The following AKAP6 variants were observed in gnomAD, a reference collection of about 807,000 sequenced individuals.
The protein encoded by AKAP6 is A-kinase anchor protein 6.
AKAP6 carries 58 observed loss-of-function variants against 188.5 expected under a neutral mutation model. The ratio of observed to expected loss-of-function variants is 0.31; its 90% confidence interval spans 0.25 to 0.38. AKAP6 has a LOEUF of 0.38. AKAP6 is among the 10% of genes least tolerant of loss of function. The pLI is 1.00. For synonymous variants in AKAP6, 989 were observed against 998.6 expected, an observed-to-expected ratio of 0.99 and a Z score of 0.18; for missense variants, 2,710 against 2,740.0, an observed-to-expected ratio of 0.99 and a Z score of 0.24.
At chr14:32,731,593 G>A (rs1037018678) in intron 9 of AKAP6, among the ~76,000 whole-genome samples, 1 of 152,004 alleles carries the variant, frequency 6.6e-6, no homozygotes, top group Non-Finnish European at 1.5e-5. Flanking sequence ...TGTAAAATAT[G>A]TTTAATATTT....
intron 1 of AKAP6, among the ~76,000 whole-genome samples, chr14:32,390,331 C>T (rs1888669368): frequency 6.6e-6 from 1 of 152,152 alleles, no homozygotes; most frequent in Admixed American, 6.6e-5. Context: ...TAACTAACCT[C>T]CTGAATTCTT....
intron 1 of AKAP6, among the ~76,000 whole-genome samples, chr14:32,413,270 C>G (rs1246737410): frequency 2.0e-5 from 3 of 149,570 alleles, no homozygotes; most frequent in Non-Finnish European, 4.4e-5. Flanking sequence ...CAGCCTTGAC[C>G]TCTCAAGATC....
chr14:32,513,507 A>G (rs1393064514), intron 2 of AKAP6, among the ~76,000 whole-genome samples: 1 of 152,192 alleles, frequency 6.6e-6, no homozygotes, highest in Non-Finnish European at 1.5e-5. Context: ...TGCTTACACA[A>G]AAAGAATGCT....
At chr14:32,804,800 C>G (rs1052946531) in intron 12 of AKAP6, among the ~76,000 whole-genome samples, 1 of 152,082 alleles carries the variant, frequency 6.6e-6, no homozygotes, top group African/African-American at 2.4e-5. Context: ...GACCTCCCCC[C>G]AGGAATGCAT....
intron 12 of AKAP6, among the ~76,000 whole-genome samples, chr14:32,814,458 A>G (rs1053161221): frequency 1.3e-5 from 2 of 152,170 alleles, no homozygotes; most frequent in Non-Finnish European, 2.9e-5. Flanking sequence ...TCATCTCTGC[A>G]GATTTACCTA....
chr14:32,462,980 TAAAA>T (rs71115073), intron 2 of AKAP6, among the ~76,000 whole-genome samples: 1 of 115,130 alleles, frequency 8.7e-6, no homozygotes, highest in African/African-American at 3.3e-5. Context: ...CAACAAAGAT[TAAAA>T]AAAAAAAAAA....
At position 32,769,037 on chromosome 14, in the gene AKAP6, A is replaced by ATTTTTTTTTTTTTTTTTT. The variant is rs544997334; in HGVS notation, c.3373-4631_3373-4614dup. Among the ~76,000 whole-genome samples, 136 of 56,916 alleles carry ATTTTTTTTTTTTTTTTTT rather than the reference A, an allele frequency of 2.4e-3. 38 individuals carry two copies. The highest frequency in any genetic ancestry group is 7.1e-3 in the East Asian group (9 of 1,262). 37.3% of individuals were successfully genotyped at this position (56,916 alleles called of 152,430 possible). ...ACTAGGGGATGCAGCTGCTCTTTTG[A>ATTTTTTTTTTTTTTTTTT]TTTTTTTTTTTTTTTTTTTTTTTTT... On this transcript the variant is annotated intron_variant, in intron 11 of 13. Transcript: ENST00000280979.
intron 4 of AKAP6, among the ~76,000 whole-genome samples, chr14:32,560,953 A>G (rs995011890): frequency 6.6e-6 from 1 of 152,188 alleles, no homozygotes; most frequent in Non-Finnish European, 1.5e-5. Flanking sequence ...ATTCTCAAGA[A>G]AAAAATTCTT....
intron 1 of AKAP6, among the ~76,000 whole-genome samples, chr14:32,396,973 A>G (rs1307032450): frequency 6.6e-6 from 1 of 152,168 alleles, no homozygotes; most frequent in African/African-American, 2.4e-5. Context: ...CTAATGTTGA[A>G]TAGGTGGAAA....
chr14:32,683,241 A>G (rs1889770608), intron 8 of AKAP6, among the ~76,000 whole-genome samples: 1 of 151,980 alleles, frequency 6.6e-6, no homozygotes, highest in Non-Finnish European at 1.5e-5. Flanking sequence ...TGATTCACCC[A>G]CCTCAGCTCT....
intron 5 of AKAP6, among the ~76,000 whole-genome samples, chr14:32,580,782 C>T: frequency 6.6e-6 from 1 of 152,068 alleles, no homozygotes; most frequent in East Asian, 1.9e-4. Context: ...CAATTCCCAC[C>T]TATGAGTGAC....
intron 2 of AKAP6, among the ~76,000 whole-genome samples, chr14:32,516,244 AG>A (rs1881517454): frequency 6.6e-6 from 1 of 152,224 alleles, no homozygotes; most frequent in Non-Finnish European, 1.5e-5. Context: ...CTAAAACCAA[AG>A]GGCTTTTCCC....
chr14:32,413,398 C>T (rs1280304926), intron 1 of AKAP6, among the ~76,000 whole-genome samples: 1 of 151,890 alleles, frequency 6.6e-6, no homozygotes, highest in Admixed American at 6.6e-5. Context: ...GCCCAGGCTG[C>T]TCTCAAACTC....
chr14:32,340,277 A>C (rs1886849119), intron 1 of AKAP6, among the ~76,000 whole-genome samples: 1 of 152,126 alleles, frequency 6.6e-6, no homozygotes, highest in African/African-American at 2.4e-5. Context: ...ACAAAATAAA[A>C]ATTATACCTC....
rs151140976 is a variant in AKAP6, at chr14:32,794,575, C to A, written c.3588+20682C>A. 9.6e-3 allele frequency among the ~76,000 whole-genome samples: 1,454 copies of A among 152,010 alleles called. 16 individuals carry two copies. Among genetic ancestry groups the A allele is most frequent in the African/African-American group, 0.034 (1,408 of 41,444 alleles). On this transcript the variant is annotated intron_variant, in intron 12 of 13. Transcript: ENST00000280979. ...ACTGCATCTCAAACAAACAAACAAA[C>A]AAACAAATAGTTCTTCAAAACTAAT...
chr14:32,651,997 A>G (rs1888251497), intron 7 of AKAP6, among the ~76,000 whole-genome samples: 1 of 152,012 alleles, frequency 6.6e-6, no homozygotes, highest in South Asian at 2.1e-4. Context: ...ATATTCCCTT[A>G]GGAATCTTAT....
At chr14:32,706,685 A>G (rs895414885) in intron 9 of AKAP6, among the ~76,000 whole-genome samples, 1 of 152,114 alleles carries the variant, frequency 6.6e-6, no homozygotes, top group African/African-American at 2.4e-5. Context: ...TGAAACTCAT[A>G]CATTCTTAAA....
chr14:32,685,724 C>CAAA (rs71115091), intron 8 of AKAP6, among the ~76,000 whole-genome samples: 40 of 86,072 alleles, frequency 4.6e-4, no homozygotes, highest in Non-Finnish European at 6.1e-4. Context: ...GACTCCATCT[C>CAAA]AAAAAAAAAA....
chr14:32,445,522 G>A (rs535517676), intron 2 of AKAP6, among the ~76,000 whole-genome samples: 1 of 152,176 alleles, frequency 6.6e-6, no homozygotes, highest in South Asian at 2.1e-4. Context: ...ACAGGCATGT[G>A]ACACCATGCC....
Sources: gnomAD v4.1 joint callset for allele counts (sites outside exome capture counted in the v4.1 genomes callset) on GRCh38, gnomAD v4.1.1 for gene constraint, MANE v1.5 for transcripts, NCBI Gene and HGNC (gene_info 2026-07-23, HGNC 2026-07-21) for gene names.